UBTD1: variants seen among roughly 807,000 people sequenced by gnomAD.
The protein encoded by UBTD1 is ubiquitin domain-containing protein 1.
UBTD1 carries 19 observed loss-of-function variants against 21.7 expected under a neutral mutation model. The ratio of observed to expected loss-of-function variants is 0.87; its 90% CI spans 0.61 to 1.28. The LOEUF (loss-of-function observed/expected upper bound fraction) is 1.28. UBTD1 is among the 50% of genes most tolerant of loss of function. The pLI, the probability that UBTD1 is intolerant of heterozygous loss-of-function variation, is 0.00. For synonymous variants in UBTD1, 116 were observed against 135.1 expected, an observed-to-expected ratio of 0.86 and a Z score of 0.98; for missense variants, 282 against 315.1, an observed-to-expected ratio of 0.89 and a Z score of 0.80.
In UBTD1 at chr10:97,570,377, G is replaced by C; in HGVS notation, c.538G>C (p.Ala180Pro). The C allele has an allele frequency of 6.2e-7, 1 of 1,613,340 alleles. No homozygotes were observed. Among genetic ancestry groups the C allele is most frequent in the Non-Finnish European group, 8.5e-7 (1 of 1,180,004 alleles). The change falls in exon 3 of 3, where the codon GCC becomes CCC. Residue 180 changes from alanine (A) to proline (P), a missense_variant. Coordinates refer to ENST00000370664, the MANE Select transcript of UBTD1 (RefSeq NM_024954.5). The surrounding 1 kb of genome is among the most constrained non-coding windows in gnomAD (Gnocchi z 6.6). ...TVGQLKRQLH[A>P]QEGIEPSWQR... ...GGGGCAGCTCAAGAGGCAGCTGCAC[G>C]CCCAGGAGGGCATCGAGCCATCGTG...
chr10:97,529,128 G>A (rs1216176834), intron 1 of UBTD1, among the ~76,000 whole-genome samples: 3 of 151,902 alleles, frequency 2.0e-5, no homozygotes, highest in African/African-American at 7.3e-5. Context: ...CCCAGACGGG[G>A]CAGCGGGGCA....
Position 97,570,739 on chromosome 10 carries a change from A to T in UBTD1, c.*216A>T. ...CACACGGGCCTTGCAACCTTGTCAG[A>T]GAAAAGGCGAACAGGGCCCTCACCC... On this transcript the variant is annotated 3_prime_UTR_variant, in exon 3 of 3. Coordinates refer to ENST00000370664, the MANE Select transcript of UBTD1 (RefSeq NM_024954.5). This position sits in a 1 kb window ranked among gnomAD's most constrained non-coding sequence, Gnocchi z 6.6. 1.7e-6 allele frequency: 1 copy of T among 583,032 alleles called. No individual in the cohort carries two copies. Among genetic ancestry groups the T allele is most frequent in the East Asian group, 2.8e-5 (1 of 35,102 alleles). The allele number at this position is 583,032 out of a possible 1,614,324, so 36.1% of individuals were successfully genotyped here. A position where few individuals can be genotyped will look rare whatever the true frequency, so the allele number is the denominator to read the frequency against.
At chr10:97,544,623 A>T (rs1278893949) in intron 1 of UBTD1, among the ~76,000 whole-genome samples, 1 of 152,228 alleles carries the variant, frequency 6.6e-6, no homozygotes, top group Non-Finnish European at 1.5e-5. Context: ...GTTGATTAAC[A>T]CATATTTTGT....
At chr10:97,514,776 C>T (rs1016806540) in intron 1 of UBTD1, among the ~76,000 whole-genome samples, 1 of 152,124 alleles carries the variant, frequency 6.6e-6, no homozygotes, top group East Asian at 1.9e-4. Context: ...CTACTTGAAC[C>T]CTTTCTGGGG....
chr10:97,528,880 G>A (rs1478477096), intron 1 of UBTD1, among the ~76,000 whole-genome samples: 12 of 148,786 alleles, frequency 8.1e-5, no homozygotes, highest in African/African-American at 1.5e-4. Flanking sequence ...CGGATGGGGC[G>A]GCTGGCCGGG....
At chr10:97,513,153 C>T (rs749282303) in intron 1 of UBTD1, among the ~76,000 whole-genome samples, 11 of 152,164 alleles carry the variant, frequency 7.2e-5, no homozygotes, top group Non-Finnish European at 1.2e-4. Flanking sequence ...TGCTGGTATC[C>T]GATCCAGGAA....
rs139912282 is a variant in UBTD1, at chr10:97,534,911, C to T, written c.71-33003C>T. ...CCTCCTTGCCCGCCTCCCCACCAAGCGGCACTCAGCCAGCCTTTCTAAAGC... is the reference window on the plus strand; with the variant it reads ...CCTCCTTGCCCGCCTCCCCACCAAGTGGCACTCAGCCAGCCTTTCTAAAGC... On this transcript the variant is annotated intron_variant, in intron 1 of 2. Transcript: ENST00000370664. 2.5e-3 allele frequency among the ~76,000 whole-genome samples: 388 copies of T among 152,312 alleles called. 2 individuals are homozygous for T. Among genetic ancestry groups the T allele is most frequent in the African/African-American group, 8.8e-3 (365 of 41,576 alleles).
Position 97,499,233 on chromosome 10 carries a change from GGA to G in UBTD1, c.34_35del (p.Arg12AlafsTer15). MGNCVGRQRRERPAAPGHPRK... is the reference protein window; with the variant it reads MGNCVGRQRRXRPAAPGHPRK... ...GCAACTGCGTGGGGAGACAGCGCCG[GGA>G]GAGGCCGGCAGCCCCGGGACACCCC... On this transcript the variant is annotated frameshift_variant, in exon 1 of 3. Coordinates refer to ENST00000370664, the MANE Select transcript of UBTD1 (RefSeq NM_024954.5). LOFTEE classifies it high-confidence loss of function. 6.5e-7 allele frequency: 1 copy of G among 1,548,412 alleles called. No individual in the cohort carries two copies.
Position 97,568,089 on chromosome 10 carries a change from C to T in UBTD1, c.246C>T (p.Asp82=). Residue 82 remains aspartate (D), a synonymous_variant, in exon 2 of 3, where the codon GAC becomes GAT. Coordinates refer to ENST00000370664, the MANE Select transcript of UBTD1 (RefSeq NM_024954.5). Reference sequence around the variant, plus strand: ...CCGCCTATGCTGCTGAAGCCAACGACCACGAGCTGGCCCAGGCCATCCTGG... The same window carrying T: ...CCGCCTATGCTGCTGAAGCCAACGATCACGAGCTGGCCCAGGCCATCCTGG... ...KAAAYAAEAN[D]HELAQAILDG... 6.2e-7 allele frequency: 1 copy of T among 1,613,860 alleles called. No individual in the cohort carries two copies. Among genetic ancestry groups the T allele is most frequent in the Non-Finnish European group, 8.5e-7 (1 of 1,180,038 alleles).
intron 1 of UBTD1, among the ~76,000 whole-genome samples, chr10:97,561,115 T>C (rs1424193889): frequency 6.6e-6 from 1 of 152,172 alleles, no homozygotes; most frequent in Non-Finnish European, 1.5e-5. Context: ...GTTCAGCCAC[T>C]GTGTTAATCC....
chr10:97,548,047 T>TA (rs946162566), intron 1 of UBTD1, among the ~76,000 whole-genome samples: 3 of 152,200 alleles, frequency 2.0e-5, no homozygotes, highest in African/African-American at 7.2e-5. Context: ...AGGTGGGAGT[T>TA]ACATGCTCTT....
At chr10:97,555,626 T>C (rs1047260659) in intron 1 of UBTD1, among the ~76,000 whole-genome samples, 2 of 151,086 alleles carry the variant, frequency 1.3e-5, no homozygotes, top group Non-Finnish European at 2.9e-5. Flanking sequence ...AGATTTCACA[T>C]GAAAGGGTTG....
At chr10:97,541,924 T>C (rs995611590) in intron 1 of UBTD1, among the ~76,000 whole-genome samples, 13 of 151,952 alleles carry the variant, frequency 8.6e-5, no homozygotes, top group African/African-American at 2.9e-4. Context: ...TTAGTAGAGA[T>C]GGAGTTTCAC....
At chr10:97,561,494 G>T (rs1038045235) in intron 1 of UBTD1, among the ~76,000 whole-genome samples, 3 of 152,110 alleles carry the variant, frequency 2.0e-5, no homozygotes, top group African/African-American at 4.8e-5. Context: ...CACATGAAAG[G>T]GTCGTGATTG....
At chr10:97,519,686 C>A (rs118060738) in intron 1 of UBTD1, among the ~76,000 whole-genome samples, 1 of 151,972 alleles carries the variant, frequency 6.6e-6, no homozygotes, top group Non-Finnish European at 1.5e-5. Flanking sequence ...TAAATGTAGA[C>A]AATTAAAGAA....
intron 1 of UBTD1, among the ~76,000 whole-genome samples, chr10:97,563,628 G>A (rs1277288330): frequency 6.6e-6 from 1 of 152,166 alleles, no homozygotes; most frequent in East Asian, 1.9e-4. Context: ...CACTCCAAGA[G>A]GGAGTCAAGA....
Position 97,563,096 on chromosome 10 carries a change from C to G in UBTD1, c.71-4818C>G, listed in dbSNP as rs190996271. ...TGTCGTATAGAATGATTAGTGATGG[C>G]CTGGATGTGGTTTTGTATGAATTGA... On this transcript the variant is annotated intron_variant, in intron 1 of 2. Coordinates refer to ENST00000370664, the MANE Select transcript of UBTD1 (RefSeq NM_024954.5). 3.0e-4 allele frequency among the ~76,000 whole-genome samples: 46 copies of G among 152,116 alleles called. 1 individual carries two copies. The highest frequency in any genetic ancestry group is 3.0e-3 in the Admixed American group (46 of 15,282).
chr10:97,515,556 C>T (rs541741340), intron 1 of UBTD1, among the ~76,000 whole-genome samples: 9 of 152,310 alleles, frequency 5.9e-5, no homozygotes, highest in South Asian at 2.1e-4. Context: ...CAGGACCCCA[C>T]GGCAGGGTTG....
chr10:97,553,304 G>C (rs1294369918), intron 1 of UBTD1, among the ~76,000 whole-genome samples: 1 of 152,016 alleles, frequency 6.6e-6, no homozygotes, highest in African/African-American at 2.4e-5. Flanking sequence ...GCTAATTTTT[G>C]TATTTTTAGT....
Sources: allele counts gnomAD v4.1 joint callset (sites outside exome capture counted in the v4.1 genomes callset), GRCh38; gene constraint gnomAD v4.1.1; non-coding constraint Gnocchi (gnomAD v3.1); transcripts MANE v1.5; gene names NCBI Gene and HGNC (gene_info 2026-07-23, HGNC 2026-07-21).